Variants in SIRT3 observed in about 807,000 individuals in gnomAD.
SIRT3 encodes the protein NAD-dependent protein deacetylase sirtuin-3, mitochondrial.
Under a neutral mutation model 33.5 loss-of-function variants are expected in SIRT3, and 26 were observed. The ratio of observed to expected loss-of-function variants is 0.78; its 90% confidence interval spans 0.57 to 1.08. The LOEUF (loss-of-function observed/expected upper bound fraction) is 1.08. Among genes scored for constraint, SIRT3 ranks in the 50% least tolerant of loss-of-function variants. The pLI is 0.00. For synonymous variants in SIRT3, 237 were observed against 222.1 expected (o/e 1.07, Z -0.60); for missense variants, 585 against 530.1 (o/e 1.10, Z -1.02).
chr11:229,086 T>G (rs184989677), intron 4 of SIRT3, among the ~76,000 whole-genome samples: 1 of 152,230 alleles, frequency 6.6e-6, no homozygotes. Context: ...GTGGAAAAGA[T>G]GAAACCCTTG....
intron 4 of SIRT3, among the ~76,000 whole-genome samples, chr11:228,555 T>C (rs1269789545): frequency 1.3e-5 from 2 of 152,076 alleles, no homozygotes; most frequent in Non-Finnish European, 2.9e-5. Context: ...CAATTACATA[T>C]CCACATAAAA....
At chr11:226,652 C>G (rs1291784763) in intron 4 of SIRT3, among the ~76,000 whole-genome samples, 1 of 151,996 alleles carries the variant, frequency 6.6e-6, no homozygotes, top group Non-Finnish European at 1.5e-5. Context: ...AGGTGATCCA[C>G]CCGCCTCAGC....
At chr11:222,810 G>C (rs1856618916) in intron 5 of SIRT3, 1 of 152,522 alleles carries the variant, frequency 6.6e-6, no homozygotes, top group Admixed American at 6.5e-5. Flanking sequence ...CTTGCTGCTT[G>C]TCACCTGTGC....
chr11:234,415 TTTG>T (rs1858602485), intron 1 of SIRT3, among the ~76,000 whole-genome samples: 1 of 151,922 alleles, frequency 6.6e-6, no homozygotes, highest in Non-Finnish European at 1.5e-5. Flanking sequence ...TTTGTTTTGT[TTTG>T]TTTTGTTTTG....
Position 216,530 on chromosome 11 carries a change from C to T in SIRT3, c.*168G>A. ...ACTGTAAACACAGCCCTACCAGTCACTGCAGCTCATGGCCTGAGAAGACAT... is the reference window on the plus strand; with the variant it reads ...ACTGTAAACACAGCCCTACCAGTCATTGCAGCTCATGGCCTGAGAAGACAT... On this transcript the variant is annotated 3_prime_UTR_variant, in exon 7 of 7. Transcript: ENST00000382743. 1.4e-6 allele frequency: 1 copy of T among 722,126 alleles called. No individual in the cohort carries two copies. Among genetic ancestry groups the T allele is most frequent in the Non-Finnish European group, 2.4e-6 (1 of 408,846 alleles). 44.7% of individuals were successfully genotyped at this position (722,126 alleles called of 1,614,324 possible). A position where few individuals can be genotyped will look rare whatever the true frequency, so the allele number is the denominator to read the frequency against.
chr11:222,874 C>T (rs938011407), intron 5 of SIRT3: 2 of 152,462 alleles, frequency 1.3e-5, no homozygotes, highest in Non-Finnish European at 2.9e-5. Flanking sequence ...TCCAACTCCA[C>T]CTGCCTGACT....
At position 233,001 on chromosome 11, in the gene SIRT3, T is replaced by C; in HGVS notation, c.688A>G (p.Ile230Val). 6.2e-7 allele frequency: 1 copy of C among 1,614,118 alleles called. No individual in the cohort carries two copies. Among genetic ancestry groups the C allele is most frequent in the Non-Finnish European group, 8.5e-7 (1 of 1,179,980 alleles). ...GLLLRLYTQN[I>V]DGLERVSGIP... ...GGCTCACCTCTCTCAAGCCCATCGA[T>C]GTTCTGCGTGTAGAGCCGCAGAAGC... The change falls in exon 3 of 7, where the codon ATC (isoleucine) becomes GTC (valine). Residue 230 changes from isoleucine (I) to valine (V), a missense_variant. Ile to Val is a conservative substitution (Grantham distance 29, BLOSUM62 3). Coordinates refer to ENST00000382743, the MANE Select transcript of SIRT3 (RefSeq NM_012239.6).
intron 4 of SIRT3, among the ~76,000 whole-genome samples, chr11:229,547 G>A (rs1467870488): frequency 6.6e-6 from 1 of 151,216 alleles, no homozygotes; most frequent in Non-Finnish European, 1.5e-5. Context: ...CCTGAGGTCA[G>A]GAATGCAAGA....
chr11:216,915 G>A (rs905874421), intron 6 of SIRT3, among the ~76,000 whole-genome samples, 197 bp from the exon 7 acceptor site: 6 of 152,238 alleles, frequency 3.9e-5, no homozygotes, highest in African/African-American at 1.2e-4. Flanking sequence ...GCTAAATGGA[G>A]AGCCTCATTC....
intron 1 of SIRT3, 56 bp from the exon 2 acceptor site, chr11:233,590 G>GC: frequency 6.4e-7 from 1 of 1,560,856 alleles, no homozygotes; most frequent in Non-Finnish European, 8.8e-7. Flanking sequence ...TCTCAGGATA[G>GC]CAAGAACGAG....
At chr11:217,008 G>C (rs1190612150) in intron 6 of SIRT3, among the ~76,000 whole-genome samples, 1 of 152,150 alleles carries the variant, frequency 6.6e-6, no homozygotes, top group Non-Finnish European at 1.5e-5. Context: ...GTAACCCCTT[G>C]GATAGTAATG....
intron 3 of SIRT3, among the ~76,000 whole-genome samples, chr11:231,088 G>A (rs1372843505): frequency 2.0e-5 from 3 of 148,414 alleles, no homozygotes; most frequent in Non-Finnish European, 3.0e-5. Flanking sequence ...TCGTGCCACC[G>A]CACTCCAGTT....
intron 4 of SIRT3, among the ~76,000 whole-genome samples, chr11:227,652 G>C (rs1054344511): frequency 1.3e-5 from 2 of 151,970 alleles, no homozygotes; most frequent in African/African-American, 4.8e-5. Flanking sequence ...TTGAGATGGA[G>C]TCTCACTCTG....
chr11:227,943 C>T (rs1264996131), intron 4 of SIRT3, among the ~76,000 whole-genome samples: 1 of 152,134 alleles, frequency 6.6e-6, no homozygotes, highest in East Asian at 1.9e-4. Flanking sequence ...CTTTTAAATG[C>T]AAATCCCTTC....
chr11:226,332 G>A (rs1857168476), intron 4 of SIRT3, among the ~76,000 whole-genome samples: 1 of 152,168 alleles, frequency 6.6e-6, no homozygotes, highest in South Asian at 2.1e-4. Context: ...AGGAACTCAA[G>A]CTTCCAAGGT....
chr11:231,080 G>A (rs756985406), intron 3 of SIRT3, among the ~76,000 whole-genome samples: 2 of 150,284 alleles, frequency 1.3e-5, no homozygotes, highest in African/African-American at 2.5e-5. Flanking sequence ...AGCTGAGGTC[G>A]TGCCACCGCA....
chr11:230,703 T>TC, intron 3 of SIRT3, 151 bp from the exon 4 acceptor site: 2 of 419,366 alleles, frequency 4.8e-6, no homozygotes, highest in Non-Finnish European at 8.4e-6. Context: ...CATGCCCGTA[T>TC]CACCTACATG....
Position 215,596 on chromosome 11 carries a change from TG to T in SIRT3, c.*1101del, listed in dbSNP as rs1855567540. On this transcript the variant is annotated 3_prime_UTR_variant, in exon 7 of 7. Coordinates refer to ENST00000382743, the MANE Select transcript of SIRT3 (RefSeq NM_012239.6). ...GCCCAGGGTAGGCAAGGTTCAAGAA[TG>T]GGAAGTGCTTTTGTCTGGGGAAACA... is the stretch of plus-strand genomic sequence containing the variant. 1 of 152,048 alleles carries T rather than the reference TG, an allele frequency of 6.6e-6. No individual in the cohort carries two copies. Among genetic ancestry groups the T allele is most frequent in the Non-Finnish European group, 1.5e-5 (1 of 68,036 alleles). The allele number at this position is 152,048 out of a possible 1,614,324, so 9.4% of individuals were successfully genotyped here. A position where few individuals can be genotyped will look rare whatever the true frequency, so the allele number is the denominator to read the frequency against.
chr11:218,937 C>T lies in SIRT3; in HGVS notation c.1074G>A (p.Arg358=). The T allele has an allele frequency of 6.2e-7, 1 of 1,614,154 alleles. No individual in the cohort carries two copies. The highest frequency in any genetic ancestry group is 8.5e-7 in the Non-Finnish European group (1 of 1,180,022). ...VGPLAWHPRS[R]DVAQLGDVVH... ...CCACGTCCCCCAGCTGGGCCACGTC[C>T]CTGCTGCGAGGATGCCAAGCCAAGG... The change falls in exon 6 of 7, where the codon AGG becomes AGA. Residue 358 remains arginine, a synonymous_variant. Transcript: ENST00000382743.
Sources: allele counts gnomAD v4.1 joint callset (sites outside exome capture counted in the v4.1 genomes callset), GRCh38; gene constraint gnomAD v4.1.1; transcripts MANE v1.5; gene names NCBI Gene and HGNC (gene_info 2026-07-23, HGNC 2026-07-21).